PGLYRP2: variants seen among roughly 807,000 people sequenced by gnomAD.
The protein encoded by PGLYRP2 is N-acetylmuramoyl-L-alanine amidase.
In PGLYRP2, 38 loss-of-function variants were observed where a neutral mutation model predicts 46.2. The observed-to-expected ratio is 0.82, with a 90% CI of 0.64 to 1.08. PGLYRP2 has a LOEUF of 1.08. Ranked by LOEUF, PGLYRP2 falls within the 50% of genes least tolerant of loss-of-function variation. The probability of loss-of-function intolerance (pLI) is 0.00; values close to 1 mark genes in which losing one functional copy is unlikely to be tolerated. For missense variants in PGLYRP2, 713 were observed against 755.9 expected (o/e 0.94, Z 0.67); for synonymous variants, 289 against 329.4 (o/e 0.88, Z 1.33).
At chr19:15,476,696 C>G in intron 1 of PGLYRP2, 88 bp from the exon 2 acceptor site, 4 of 1,133,704 alleles carry the variant, frequency 3.5e-6, no homozygotes, top group Non-Finnish European at 4.9e-6. Context: ...GCTCCCAGCC[C>G]TCCATCTGAT....
intron 1 of PGLYRP2, among the ~76,000 whole-genome samples, chr19:15,477,465 A>G (rs1414414212): frequency 6.7e-6 from 1 of 150,148 alleles, no homozygotes; most frequent in Non-Finnish European, 1.5e-5. Flanking sequence ...TAGGAGGCAG[A>G]GGCGGGTGGA....
chr19:15,479,489 T>G lies in PGLYRP2; in HGVS notation c.-118A>C. On this transcript the variant is annotated 5_prime_UTR_variant, in exon 1 of 5. Transcript: ENST00000340880. The stretch of plus-strand genomic sequence containing the variant: ...GCAGAGCCTTTGACCACTGTCAAAG[T>G]CCAGCGGCGAATGACAGACCTGCCT... 1 of 1,029,184 alleles carries G rather than the reference T, an allele frequency of 9.7e-7. No individual in the cohort carries two copies. The highest frequency in any genetic ancestry group is 1.4e-5 in the South Asian group (1 of 72,602). The allele number at this position is 1,029,184 out of a possible 1,614,324, so 63.8% of individuals were successfully genotyped here.
intron 3 of PGLYRP2, 146 bp downstream of exon 3, chr19:15,471,744 C>G: frequency 1.1e-6 from 1 of 915,986 alleles, no homozygotes; most frequent in South Asian, 1.7e-5. Flanking sequence ...CGCCACCTCT[C>G]CAACTTTGCT....
At chr19:15,473,299 G>A (rs7257137) in intron 2 of PGLYRP2, among the ~76,000 whole-genome samples, 47,667 of 151,072 alleles carry the variant, frequency 0.32, 7,612 homozygotes, top group Middle Eastern at 0.45. Flanking sequence ...GTGAAACCCC[G>A]TCTCTACTAA....
chr19:15,476,514 C>T lies in PGLYRP2; in HGVS notation c.156G>A (p.Ala52=), dbSNP rs377757963. The T allele has an allele frequency of 5.0e-5, 80 of 1,613,998 alleles. No individual in the cohort carries two copies. The highest frequency in any genetic ancestry group is 2.8e-4 in the Admixed American group (17 of 59,986). The change falls in exon 2 of 5, where the codon GCG becomes GCA. Residue 52 remains alanine (A), a synonymous_variant. Transcript: ENST00000340880. ...CAGAGTTTGGAGCTGACATCAGCCA[C>T]GCAGAAGCTGTGTGTCTGGTCTTGG... ...PAAKTRHTAS[A]WLMSAPNSGP...
chr19:15,469,662 G>A lies in PGLYRP2; in HGVS notation c.1611C>T (p.Asp537=). ...RTDCPGDALF[D]LLRTWPHFTA... is the part of the protein sequence containing the mutation. ...TGAAGTGCGGCCAGGTGCGCAGCAG[G>A]TCGAAGAGCGCGTCGCCGGGGCAGT... is the stretch of plus-strand genomic sequence containing the variant. The change falls in exon 4 of 5, where the codon GAC becomes GAT. Residue 537 remains aspartate (D), a synonymous_variant. Coordinates refer to ENST00000340880, the MANE Select transcript of PGLYRP2 (RefSeq NM_052890.4). The surrounding 1 kb of genome is among the most constrained non-coding windows in gnomAD (Gnocchi z 4.9). The A allele has an allele frequency of 6.4e-7, 1 of 1,555,446 alleles. No homozygotes were observed. The highest frequency in any genetic ancestry group is 8.7e-7 in the Non-Finnish European group (1 of 1,154,928).
rs1423941576 is a variant in PGLYRP2 at position 15,469,731 on chromosome 19, C to T, written c.1542G>A (p.Arg514=). The change falls in exon 4 of 5, where the codon CGG becomes CGA. Residue 514 remains arginine (R), a synonymous_variant. Transcript: ENST00000340880. This position sits in a 1 kb window ranked among gnomAD's most constrained non-coding sequence, Gnocchi z 4.9. ...GGTGGCCCAGCAGCGCGTAGTCTGGCCGCAGGAGGCCGGCGCGCACCGCAC... is the reference window on the plus strand; with the variant it reads ...GGTGGCCCAGCAGCGCGTAGTCTGGTCGCAGGAGGCCGGCGCGCACCGCAC... ...PSCAVRAGLL[R]PDYALLGHRQ... is the part of the protein sequence containing the mutation. 6.7e-7 allele frequency: 1 copy of T among 1,488,178 alleles called. No homozygotes were observed. The highest frequency in any genetic ancestry group is 8.9e-7 in the Non-Finnish European group (1 of 1,126,026). 92.2% of individuals were successfully genotyped at this position (1,488,178 alleles called of 1,614,324 possible).
At chr19:15,475,278 G>A (rs187535843) in intron 2 of PGLYRP2, among the ~76,000 whole-genome samples, 61 of 152,152 alleles carry the variant, frequency 4.0e-4, no homozygotes, top group South Asian at 2.5e-3. Flanking sequence ...CAATCTATGC[G>A]AGAAACAAGG....
intron 3 of PGLYRP2, among the ~76,000 whole-genome samples, chr19:15,470,293 C>CTTCT (rs55661645): frequency 0.071 from 7,189 of 101,374 alleles, 458 homozygotes; most frequent in African/African-American, 0.092. Context: ...TCCTTCCTTC[C>CTTCT]TTCTTTCTTT....
intron 3 of PGLYRP2, among the ~76,000 whole-genome samples, chr19:15,471,299 A>G (rs1219679151): frequency 1.3e-5 from 2 of 151,694 alleles, no homozygotes; most frequent in African/African-American, 4.8e-5. Context: ...ATTTTTTAGT[A>G]GAGACGGGGT....
rs548734440 is a variant in PGLYRP2 at position 15,469,780 on chromosome 19, G to C, written c.1493C>G (p.Thr498Arg). ...AALPTEAALR[T>R]VRDTLPSCAV... Reference sequence around the variant, plus strand: ...ACAACTCGGGAGCGTGTCGCGCACCGTGCGCAGAGCGGCCTCGGTGGGCAG... The same window carrying C: ...ACAACTCGGGAGCGTGTCGCGCACCCTGCGCAGAGCGGCCTCGGTGGGCAG... The change falls in exon 4 of 5, where the codon ACG becomes AGG. Residue 498 changes from threonine to arginine, a missense_variant. Coordinates refer to ENST00000340880, the MANE Select transcript of PGLYRP2 (RefSeq NM_052890.4). This position sits in a 1 kb window ranked among gnomAD's most constrained non-coding sequence, Gnocchi z 4.9. 6.6e-7 allele frequency: 1 copy of C among 1,511,442 alleles called. No homozygotes were observed. The highest frequency in any genetic ancestry group is 1.2e-5 in the South Asian group (1 of 80,164). 93.6% of individuals were successfully genotyped at this position (1,511,442 alleles called of 1,614,324 possible).
At chr19:15,478,381 A>C (rs988309453) in intron 1 of PGLYRP2, among the ~76,000 whole-genome samples, 1 of 152,186 alleles carries the variant, frequency 6.6e-6, no homozygotes, top group East Asian at 1.9e-4. Flanking sequence ...TTTATTTCTC[A>C]TAGTTCTAGA....
intron 3 of PGLYRP2, 144 bp downstream of exon 3, chr19:15,471,746 A>G: frequency 2.2e-6 from 2 of 927,590 alleles, no homozygotes; most frequent in Non-Finnish European, 3.2e-6. Context: ...CCACCTCTCC[A>G]ACTTTGCTCT....
intron 2 of PGLYRP2, among the ~76,000 whole-genome samples, chr19:15,474,166 G>T (rs1218387723): frequency 6.6e-6 from 1 of 152,010 alleles, no homozygotes; most frequent in African/African-American, 2.4e-5. Context: ...GTGAAACTCT[G>T]TCTCTACTAA....
intron 1 of PGLYRP2, among the ~76,000 whole-genome samples, chr19:15,478,988 C>T (rs575925701): frequency 3.9e-5 from 6 of 152,268 alleles, no homozygotes; most frequent in East Asian, 1.9e-4. Context: ...AGTCCACCAC[C>T]TAACCTGTGT....
chr19:15,478,056 C>G (rs1158691657), intron 1 of PGLYRP2, among the ~76,000 whole-genome samples: 2 of 152,116 alleles, frequency 1.3e-5, no homozygotes, highest in Non-Finnish European at 2.9e-5. Context: ...TTATGAAAAA[C>G]AGAAATTTGG....
chr19:15,471,169 A>G (rs1480546564), intron 3 of PGLYRP2, among the ~76,000 whole-genome samples: 2 of 132,352 alleles, frequency 1.5e-5, no homozygotes, highest in East Asian at 2.3e-4. Context: ...CTGGAGTGCA[A>G]TGGCGCGATC....
intron 2 of PGLYRP2, among the ~76,000 whole-genome samples, chr19:15,474,083 C>A (rs1288504341): frequency 1.3e-5 from 2 of 152,050 alleles, no homozygotes; most frequent in African/African-American, 4.8e-5. Context: ...CGACTGTAAC[C>A]CCAGCACTTT....
chr19:15,473,233 G>C (rs1970765349), intron 2 of PGLYRP2, among the ~76,000 whole-genome samples: 1 of 151,926 alleles, frequency 6.6e-6, no homozygotes, highest in African/African-American at 2.4e-5. Flanking sequence ...AATTTTGGAG[G>C]CTGAGGTGGG....
Sources: allele counts gnomAD v4.1 joint callset (sites outside exome capture counted in the v4.1 genomes callset), GRCh38; gene constraint gnomAD v4.1.1; non-coding constraint Gnocchi (gnomAD v3.1); transcripts MANE v1.5; gene names NCBI Gene and HGNC (gene_info 2026-07-23, HGNC 2026-07-21).